Variants in SLC8A1 observed in about 807,000 individuals in gnomAD.
The protein encoded by SLC8A1 is solute carrier family 8 member A1.
A neutral mutation model predicts 68.3 loss-of-function variants in SLC8A1; 18 were observed. The observed-to-expected ratio is 0.26, with a 90% CI of 0.18 to 0.39. SLC8A1 has a LOEUF of 0.39. Among genes scored for constraint, SLC8A1 ranks in the 10% least tolerant of loss-of-function variants. The pLI is 1.00. For synonymous variants in SLC8A1, 475 were observed against 415.5 expected, an observed-to-expected ratio of 1.14 and a Z score of -1.74; for missense variants, 985 against 1,156.7, an observed-to-expected ratio of 0.85 and a Z score of 2.15.
At chr2:40,223,443 C>T (rs560479138) in intron 2 of SLC8A1, among the ~76,000 whole-genome samples, 53 of 152,042 alleles carry the variant, frequency 3.5e-4, no homozygotes, top group African/African-American at 1.2e-3. Context: ...TACAGCAAAC[C>T]GTCATGGCAC....
exon 8 of SLC8A1, chr2:40,098,762 A>G (rs2033719577): frequency 6.6e-6 from 1 of 152,020 alleles, no homozygotes; most frequent in African/African-American, 2.4e-5. Context: ...ATTGGCTTAA[A>G]AAATATTTTC....
chr2:40,435,430 TAC>T (rs1457399701), intron 1 of SLC8A1, among the ~76,000 whole-genome samples: 1 of 152,102 alleles, frequency 6.6e-6, no homozygotes, highest in East Asian at 1.9e-4. Flanking sequence ...AAACCTCATT[TAC>T]ACAGAGACCC....
At chr2:40,325,870 T>G (rs1427922146) in intron 2 of SLC8A1, among the ~76,000 whole-genome samples, 4 of 151,584 alleles carry the variant, frequency 2.6e-5, no homozygotes, top group Admixed American at 1.3e-4. Flanking sequence ...GATATTTCTT[T>G]AAGTTTCACT....
At chr2:40,268,811 A>T (rs1260099588) in intron 2 of SLC8A1, among the ~76,000 whole-genome samples, 1 of 152,172 alleles carries the variant, frequency 6.6e-6, no homozygotes, top group Non-Finnish European at 1.5e-5. Flanking sequence ...AAGGAAAAAA[A>T]GTTCCAATCA....
At chr2:40,155,647 G>T (rs2044335619) in intron 6 of SLC8A1, among the ~76,000 whole-genome samples, 1 of 152,168 alleles carries the variant, frequency 6.6e-6, no homozygotes, top group Non-Finnish European at 1.5e-5. Flanking sequence ...CAGGCTGATA[G>T]TCAAGTGAAT....
chr2:40,363,802 C>G (rs928229848), intron 2 of SLC8A1, among the ~76,000 whole-genome samples: 1 of 151,876 alleles, frequency 6.6e-6, no homozygotes, highest in African/African-American at 2.4e-5. Context: ...TGTATTTGGG[C>G]CCTGAGTTAT....
chr2:40,417,445 CTCTCAAAGCAAGTG>C (rs1221006620), intron 2 of SLC8A1, among the ~76,000 whole-genome samples: 1 of 152,132 alleles, frequency 6.6e-6, no homozygotes, highest in East Asian at 1.9e-4. Flanking sequence ...ATTTTATTGG[CTCTCAAAGCAAGTG>C]TTAGGATTAG....
intron 2 of SLC8A1, among the ~76,000 whole-genome samples, chr2:40,373,225 A>G (rs544134173): frequency 6.6e-6 from 1 of 152,244 alleles, no homozygotes; most frequent in South Asian, 2.1e-4. Flanking sequence ...TTGCAAAATT[A>G]AATTTATCTC....
chr2:40,355,106 C>G (rs1432850209), intron 2 of SLC8A1, among the ~76,000 whole-genome samples: 1 of 152,088 alleles, frequency 6.6e-6, no homozygotes, highest in Non-Finnish European at 1.5e-5. Flanking sequence ...CTGAAAAAGC[C>G]TTTACTATGG....
At chr2:40,330,438 A>G (rs1249742924) in intron 2 of SLC8A1, among the ~76,000 whole-genome samples, 1 of 152,238 alleles carries the variant, frequency 6.6e-6, no homozygotes, top group African/African-American at 2.4e-5. Context: ...TGAATAATAA[A>G]GGCAATGTCT....
At chr2:40,339,559 A>T (rs1380202965) in intron 2 of SLC8A1, among the ~76,000 whole-genome samples, 2 of 152,252 alleles carry the variant, frequency 1.3e-5, no homozygotes, top group African/African-American at 4.8e-5. Flanking sequence ...CTGAAGTACA[A>T]AGTAAATAAG....
intron 6 of SLC8A1, among the ~76,000 whole-genome samples, chr2:40,158,905 A>G (rs529179787): frequency 9.8e-5 from 15 of 152,312 alleles, no homozygotes; most frequent in Non-Finnish European, 1.8e-4. Context: ...GTTTCTCTGT[A>G]TACCTATTCT....
intron 2 of SLC8A1, among the ~76,000 whole-genome samples, chr2:40,263,081 A>G (rs746352919): frequency 3.9e-5 from 6 of 152,240 alleles, no homozygotes; most frequent in African/African-American, 7.2e-5. Flanking sequence ...CGAATGACTT[A>G]CATTTTGAAA....
chr2:40,346,230 A>G (rs1246302127), intron 2 of SLC8A1, among the ~76,000 whole-genome samples: 2 of 152,028 alleles, frequency 1.3e-5, no homozygotes, highest in Non-Finnish European at 2.9e-5. Context: ...GCACACAGTG[A>G]GAAGTTGATG....
chr2:40,341,684 C>T (rs1336233379), intron 2 of SLC8A1, among the ~76,000 whole-genome samples: 1 of 152,134 alleles, frequency 6.6e-6, no homozygotes. Flanking sequence ...ACCTGCTTCT[C>T]AAGGCTGTTT....
At chr2:40,380,063 A>C (rs1185784460) in intron 2 of SLC8A1, among the ~76,000 whole-genome samples, 2 of 152,176 alleles carry the variant, frequency 1.3e-5, no homozygotes, top group Non-Finnish European at 2.9e-5. Context: ...AATGAAAATC[A>C]TGGAAAATTT....
intron 2 of SLC8A1, among the ~76,000 whole-genome samples, chr2:40,414,253 G>A (rs550432591): frequency 6.6e-6 from 1 of 152,242 alleles, no homozygotes; most frequent in South Asian, 2.1e-4. Flanking sequence ...AAAACTCTGG[G>A]AACTGTTGAG....
intron 2 of SLC8A1, among the ~76,000 whole-genome samples, chr2:40,196,161 T>C (rs1427992004): frequency 6.6e-6 from 1 of 151,914 alleles, no homozygotes; most frequent in Non-Finnish European, 1.5e-5. Context: ...ACCAAATAGC[T>C]GACTTGTGTT....
intron 2 of SLC8A1, among the ~76,000 whole-genome samples, chr2:40,330,645 A>G (rs1204928161): frequency 6.6e-6 from 1 of 152,206 alleles, no homozygotes; most frequent in Non-Finnish European, 1.5e-5. Context: ...TATATACAAA[A>G]TAAATATACT....
Sources: allele counts gnomAD v4.1 joint callset (sites outside exome capture counted in the v4.1 genomes callset), GRCh38; gene constraint gnomAD v4.1.1; transcripts MANE v1.5; gene names NCBI Gene and HGNC (gene_info 2026-07-23, HGNC 2026-07-21).